The following RNF44 variants were observed in gnomAD, a reference collection of about 807,000 sequenced individuals.
RNF44 encodes ring finger protein 44.
In RNF44, 25 loss-of-function variants were observed where a neutral mutation model predicts 53.6. That is an observed-to-expected ratio of 0.47 (90% CI 0.34 to 0.65). The LOEUF (loss-of-function observed/expected upper bound fraction) is 0.65, where lower values mean the gene tolerates loss of function less well. Among genes scored for constraint, RNF44 ranks in the 30% least tolerant of loss-of-function variants. The pLI is 0.01. For missense variants in RNF44, 581 were observed against 595.5 expected (o/e 0.98, Z 0.25); for synonymous variants, 282 against 252.2 (o/e 1.12, Z -1.12).
upstream of RNF44, among the ~76,000 whole-genome samples, chr5:176,540,012 T>C (rs150007325): frequency 6.6e-5 from 10 of 152,324 alleles, no homozygotes; most frequent in East Asian, 1.9e-3. Context: ...GGTTTGAAGC[T>C]CTGTTCCTAA....
chr5:176,533,451 G>C (rs75201569), intron 1 of RNF44, among the ~76,000 whole-genome samples: 2,272 of 152,332 alleles, frequency 0.015, 62 homozygotes, highest in African/African-American at 0.053. Flanking sequence ...ACCGTAAAGT[G>C]TTAAAGCTGG....
chr5:176,532,742 C>G (rs1198110057), intron 1 of RNF44, among the ~76,000 whole-genome samples: 1 of 7,712 alleles, frequency 1.3e-4, no homozygotes, highest in Non-Finnish European at 2.7e-4. Context: ...GCGAGACTCC[C>G]GTCTCAAAAA....
At position 176,528,944 on chromosome 5, in the gene RNF44, A is replaced by ACTCCCTCCCCATCCTCCCTGGGCCC; in HGVS notation, c.*59_*83dup. On this transcript the variant is annotated 3_prime_UTR_variant, in exon 11 of 11. Transcript: ENST00000274811. ...AGGAGCGAAGGGGCAGGCCTGGGCC[A>ACTCCCTCCCCATCCTCCCTGGGCCC]CTCCCTCCCCATCCTCCCTGGGCCC... is the stretch of plus-strand genomic sequence containing the variant. 1.5e-6 allele frequency: 2 copies of ACTCCCTCCCCATCCTCCCTGGGCCC among 1,368,618 alleles called. No individual in the cohort carries two copies. The highest frequency in any genetic ancestry group is 2.0e-6 in the Non-Finnish European group (2 of 982,940). The allele number at this position is 1,368,618 out of a possible 1,614,324, so 84.8% of individuals were successfully genotyped here.
chr5:176,532,361 C>A lies in RNF44; in HGVS notation c.107+5G>T. The A allele has an allele frequency of 1.9e-6, 3 of 1,605,470 alleles. No individual in the cohort carries two copies. Among genetic ancestry groups the A allele is most frequent in the African/African-American group, 1.3e-5 (1 of 74,806 alleles). On this transcript the variant is annotated splice_donor_5th_base_variant and intron_variant, in intron 2 of 10. Coordinates refer to ENST00000274811, the MANE Select transcript of RNF44 (RefSeq NM_014901.5). ...CAGCACCAGGACTGGGAGGCTCCTT[C>A]CTACCTTCCCCAGAGCTGGCCCGGG...
intron 1 of RNF44, among the ~76,000 whole-genome samples, chr5:176,536,700 G>A (rs1327749737): frequency 2.0e-5 from 3 of 152,050 alleles, no homozygotes; most frequent in Admixed American, 6.5e-5. Flanking sequence ...CGCAGGGGGA[G>A]GGGGGCGGCT....
chr5:176,541,116 C>T (rs1271943487), upstream of RNF44, among the ~76,000 whole-genome samples: 2 of 152,178 alleles, frequency 1.3e-5, no homozygotes, highest in African/African-American at 4.8e-5. Flanking sequence ...CAGACCCTCG[C>T]CACAGAGCCC....
chr5:176,535,749 G>C (rs1184229809), intron 1 of RNF44, among the ~76,000 whole-genome samples: 1 of 152,156 alleles, frequency 6.6e-6, no homozygotes, highest in Non-Finnish European at 1.5e-5. Flanking sequence ...AAGGCCCAGA[G>C]TTGGAGCTAG....
the RNF44 span, among the ~76,000 whole-genome samples, chr5:176,543,264 G>A: frequency 6.8e-6 from 1 of 146,876 alleles, no homozygotes; most frequent in African/African-American, 2.4e-5. This position sits in a 1 kb window ranked among gnomAD's most constrained non-coding sequence, Gnocchi z 4.0. Context: ...GCGTTACCTG[G>A]GGCCGCGGCG....
chr5:176,541,112 C>A (rs1757438799), upstream of RNF44, among the ~76,000 whole-genome samples: 1 of 152,198 alleles, frequency 6.6e-6, no homozygotes, highest in Non-Finnish European at 1.5e-5. Context: ...GGGGCAGACC[C>A]TCGCCACAGA....
At chr5:176,535,538 G>A (rs1393545164) in intron 1 of RNF44, among the ~76,000 whole-genome samples, 1 of 152,176 alleles carries the variant, frequency 6.6e-6, no homozygotes, top group Non-Finnish European at 1.5e-5. Flanking sequence ...AAGGAAGTAA[G>A]TTACTCTAGG....
chr5:176,528,992 C>G lies in RNF44; in HGVS notation c.*36G>C. The G allele has an allele frequency of 6.3e-7, 1 of 1,598,646 alleles. No homozygotes were observed. ...CCCCACCCACAAGTTTCCAGAGCTT[C>G]AGGCAGGGTTCTCCCGGGCAGGCGG... On this transcript the variant is annotated 3_prime_UTR_variant, in exon 11 of 11. Coordinates refer to ENST00000274811, the MANE Select transcript of RNF44 (RefSeq NM_014901.5).
chr5:176,529,496 G>T (rs773686840), intron 9 of RNF44, 27 bp downstream of exon 9: 1 of 1,613,354 alleles, frequency 6.2e-7, no homozygotes, highest in Non-Finnish European at 8.5e-7. Flanking sequence ...GTGTTCAGAG[G>T]GGTGGGAGGT....
At position 176,529,649 on chromosome 5, in the gene RNF44, A is replaced by T; in HGVS notation, c.1015-5T>A. On this transcript the variant is annotated splice_polypyrimidine_tract_variant and splice_region_variant and intron_variant, in intron 8 of 10. Transcript: ENST00000274811. ...CTCGGCCAGGTTCAGGAGGGCCTGC[A>T]TGCGGGCAGGAGACGGGGTCAGCGG... 2 of 1,613,736 alleles carry T rather than the reference A, an allele frequency of 1.2e-6. No homozygotes were observed. The highest frequency in any genetic ancestry group is 1.7e-6 in the Non-Finnish European group (2 of 1,179,890).
chr5:176,530,536 C>G, intron 6 of RNF44, 46 bp downstream of exon 6: 12 of 1,386,082 alleles, frequency 8.7e-6, no homozygotes, highest in Non-Finnish European at 1.1e-5. Flanking sequence ...GCGGGTCTGC[C>G]TCCCAGCTGC....
chr5:176,539,449 G>A (rs1488061042), upstream of RNF44, among the ~76,000 whole-genome samples: 3 of 152,140 alleles, frequency 2.0e-5, no homozygotes, highest in Non-Finnish European at 2.9e-5. Flanking sequence ...CAGCACTTTG[G>A]GAGATCCAGG....
At chr5:176,532,224 C>T (rs1263052585) in intron 2 of RNF44, 31 bp from the exon 3 acceptor site, 7 of 1,492,130 alleles carry the variant, frequency 4.7e-6, no homozygotes, top group Non-Finnish European at 6.2e-6. Context: ...CCCGATAGGA[C>T]TGAGGGGGGC....
In RNF44 at chr5:176,532,051, G is replaced by A; in HGVS notation, c.250C>T (p.His84Tyr). The A allele has an allele frequency of 6.2e-7, 1 of 1,611,086 alleles. No individual in the cohort carries two copies. Among genetic ancestry groups the A allele is most frequent in the East Asian group, 2.2e-5 (1 of 44,846 alleles). ...AACGGGCTCTGCTGGGTGGCTGGGT[G>A]CAGCATTCGGGGGCTCCCGCCGGCA... ...APAGGSPRML[H>Y]PATQQSPFMV... Residue 84 changes from histidine (H) to tyrosine (Y), a missense_variant, in exon 3 of 11, where the codon CAC (histidine) becomes TAC (tyrosine). Physicochemically the swap from His to Tyr is moderately conservative, Grantham distance 83. Coordinates refer to ENST00000274811, the MANE Select transcript of RNF44 (RefSeq NM_014901.5).
intron 10 of RNF44, 77 bp downstream of exon 10, chr5:176,529,211 G>C (rs1424945641): frequency 6.4e-7 from 1 of 1,553,136 alleles, no homozygotes; most frequent in African/African-American, 1.4e-5. Context: ...CAAGGACAAG[G>C]AGGGAAACAG....
intron 1 of RNF44, among the ~76,000 whole-genome samples, chr5:176,535,613 A>G (rs909300037): frequency 2.6e-5 from 4 of 152,220 alleles, no homozygotes; most frequent in African/African-American, 7.2e-5. Flanking sequence ...CCCCCAAGCC[A>G]TAACTCCTGT....
Sources: allele counts gnomAD v4.1 joint callset (sites outside exome capture counted in the v4.1 genomes callset), GRCh38; gene constraint gnomAD v4.1.1; non-coding constraint Gnocchi (gnomAD v3.1); transcripts MANE v1.5; gene names NCBI Gene and HGNC (gene_info 2026-07-23, HGNC 2026-07-21).